Variants in C1GALT1 observed in about 807,000 individuals in gnomAD.
C1GALT1 encodes the protein glycoprotein-N-acetylgalactosamine 3-beta-galactosyltransferase 1.
C1GALT1 carries 11 observed loss-of-function variants against 31.0 expected under a neutral mutation model. That is an observed-to-expected ratio of 0.36 (90% confidence interval 0.22 to 0.59). C1GALT1 has a LOEUF of 0.59. C1GALT1 is among the 20% of genes least tolerant of loss of function. The pLI, the probability that C1GALT1 is intolerant of heterozygous loss-of-function variation, is 0.79. For missense variants in C1GALT1, 424 were observed against 425.2 expected (o/e 1.00, Z 0.03); for synonymous variants, 175 against 143.6 (o/e 1.22, Z -1.56).
intron 1 of C1GALT1, among the ~76,000 whole-genome samples, chr7:7,184,762 T>C (rs1180283886): frequency 6.6e-6 from 1 of 152,196 alleles, no homozygotes; most frequent in Admixed American, 6.5e-5. Flanking sequence ...GGCTTAAAAG[T>C]TTAAGCTTCC....
chr7:7,184,753 G>T (rs550479668), intron 1 of C1GALT1, among the ~76,000 whole-genome samples: 76 of 152,228 alleles, frequency 5.0e-4, no homozygotes, highest in African/African-American at 1.5e-3. Context: ...ATTCAGATAG[G>T]CTTAAAAGTT....
chr7:7,205,723 G>A (rs986576861), intron 1 of C1GALT1, among the ~76,000 whole-genome samples: 3 of 151,956 alleles, frequency 2.0e-5, no homozygotes, highest in Non-Finnish European at 4.4e-5. Context: ...TATTAGTATG[G>A]CACTTCTGTT....
chr7:7,233,234 G>A (rs574739098), intron 1 of C1GALT1, among the ~76,000 whole-genome samples: 1 of 152,034 alleles, frequency 6.6e-6, no homozygotes, highest in South Asian at 2.1e-4. Flanking sequence ...CCAAAATCTA[G>A]ATCTTGCAGT....
intron 2 of C1GALT1, among the ~76,000 whole-genome samples, chr7:7,166,837 C>A (rs1432198): frequency 0.65 from 99,408 of 152,052 alleles, 33,105 homozygotes; most frequent in East Asian, 0.93. Flanking sequence ...GTAAGCATGC[C>A]GCAGTAGTTA....
At chr7:7,237,872 G>A (rs1032012369) in intron 2 of C1GALT1, among the ~76,000 whole-genome samples, 8 of 152,126 alleles carry the variant, frequency 5.3e-5, no homozygotes, top group African/African-American at 1.9e-4. Flanking sequence ...ATTTAAGGCA[G>A]CATTTAGCAT....
chr7:7,158,822 T>A (rs1049505694), intron 2 of C1GALT1, among the ~76,000 whole-genome samples: 1 of 152,066 alleles, frequency 6.6e-6, no homozygotes, highest in Non-Finnish European at 1.5e-5. Context: ...TTCTTTCCCT[T>A]TTTGCCTACC....
chr7:7,208,667 G>A (rs1781860902), intron 1 of C1GALT1, among the ~76,000 whole-genome samples: 1 of 152,186 alleles, frequency 6.6e-6, no homozygotes, highest in Non-Finnish European at 1.5e-5. Flanking sequence ...CACAATGGCT[G>A]CCAGCCCCTG....
chr7:7,195,312 C>A (rs13238772), intron 1 of C1GALT1, among the ~76,000 whole-genome samples: 22,017 of 152,164 alleles, frequency 0.14, 1,994 homozygotes, highest in Middle Eastern at 0.29. Flanking sequence ...GCATTCATTG[C>A]TGTGAACTTT....
intron 1 of C1GALT1, among the ~76,000 whole-genome samples, chr7:7,187,630 G>A (rs945802853): frequency 2.6e-5 from 4 of 152,182 alleles, no homozygotes; most frequent in Non-Finnish European, 4.4e-5. Context: ...AGGACCGGAC[G>A]GCTTCCACAA....
Position 7,248,155 on chromosome 7 carries a change from A to T in C1GALT1, c.*4428A>T, listed in dbSNP as rs1322719224. On this transcript the variant is annotated 3_prime_UTR_variant, in exon 4 of 4. Coordinates refer to ENST00000436587, the MANE Select transcript of C1GALT1 (RefSeq NM_020156.5). ...TTAATGTAACCTCTGTTGATTTTTTAAAAATGTGTTTATATATAAGATTTG... is the reference window on the plus strand; with the variant it reads ...TTAATGTAACCTCTGTTGATTTTTTTAAAATGTGTTTATATATAAGATTTG... 4.6e-5 allele frequency: 7 copies of T among 152,042 alleles called. No homozygotes were observed. The highest frequency in any genetic ancestry group is 4.6e-4 in the Admixed American group (7 of 15,270). The allele number at this position is 152,042 out of a possible 1,614,324, so 9.4% of individuals were successfully genotyped here.
intron 1 of C1GALT1, among the ~76,000 whole-genome samples, chr7:7,210,735 C>T (rs79159678): frequency 1.3e-5 from 2 of 152,018 alleles, no homozygotes; most frequent in African/African-American, 4.8e-5. Flanking sequence ...CTACGCTCGT[C>T]GGGATTCCAG....
chr7:7,219,794 T>TAA (rs1782423661), intron 1 of C1GALT1, among the ~76,000 whole-genome samples: 1 of 152,180 alleles, frequency 6.6e-6, no homozygotes, highest in Non-Finnish European at 1.5e-5. Flanking sequence ...TTTAAGCACA[T>TAA]AATTGTAATA....
chr7:7,177,134 C>A (rs1030342234), intron 2 of C1GALT1, among the ~76,000 whole-genome samples: 6 of 152,196 alleles, frequency 3.9e-5, no homozygotes, highest in Non-Finnish European at 7.3e-5. Context: ...CAAGAAAAAA[C>A]CATACAATTA....
chr7:7,200,871 G>A (rs564777709), intron 1 of C1GALT1, among the ~76,000 whole-genome samples: 5 of 152,112 alleles, frequency 3.3e-5, no homozygotes, highest in Non-Finnish European at 7.4e-5. Flanking sequence ...ACTTCCCTAC[G>A]CTGTTTATTC....
At chr7:7,190,063 A>G (rs1459330113) in intron 1 of C1GALT1, among the ~76,000 whole-genome samples, 2 of 152,206 alleles carry the variant, frequency 1.3e-5, no homozygotes, top group Non-Finnish European at 2.9e-5. Flanking sequence ...ACCACCAGGG[A>G]CACATCTGTA....
chr7:7,183,609 C>T (rs1780687397), intron 1 of C1GALT1: 3 of 984,022 alleles, frequency 3.0e-6, no homozygotes, highest in South Asian at 9.4e-5. Context: ...GTCGTACACT[C>T]TTAAAAGATG....
At chr7:7,213,743 C>A (rs1782110301) in intron 1 of C1GALT1, among the ~76,000 whole-genome samples, 1 of 152,164 alleles carries the variant, frequency 6.6e-6, no homozygotes, top group African/African-American at 2.4e-5. Flanking sequence ...TGGATTATTT[C>A]ATCTAATTTT....
chr7:7,238,969 A>G lies in C1GALT1; in HGVS notation c.888+47A>G. 1 of 1,446,814 alleles carries G rather than the reference A, an allele frequency of 6.9e-7. No individual in the cohort carries two copies. The highest frequency in any genetic ancestry group is 9.4e-7 in the Non-Finnish European group (1 of 1,059,826). The allele number at this position is 1,446,814 out of a possible 1,614,324, so 89.6% of individuals were successfully genotyped here. A position where few individuals can be genotyped will look rare whatever the true frequency, so the allele number is the denominator to read the frequency against. On this transcript the variant is annotated intron_variant, in intron 3 of 3. Transcript: ENST00000436587. The surrounding 1 kb of genome is among the most constrained non-coding windows in gnomAD (Gnocchi z 5.2). ...CTATGTCAATACTTGGACTGACTGAATTTTGTTGATAAAAACATGTTAATA... is the reference window on the plus strand; with the variant it reads ...CTATGTCAATACTTGGACTGACTGAGTTTTGTTGATAAAAACATGTTAATA...
chr7:7,196,046 TG>T (rs1289198454), intron 1 of C1GALT1, among the ~76,000 whole-genome samples: 1 of 152,024 alleles, frequency 6.6e-6, no homozygotes, highest in African/African-American at 2.4e-5. Flanking sequence ...TTGTTGTTGT[TG>T]TTGTTTTTGT....
Sources: gnomAD v4.1 joint callset for allele counts (sites outside exome capture counted in the v4.1 genomes callset) on GRCh38, gnomAD v4.1.1 for gene constraint, Gnocchi (gnomAD v3.1) non-coding constraint, MANE v1.5 for transcripts, NCBI Gene and HGNC (gene_info 2026-07-23, HGNC 2026-07-21) for gene names.